RACGAP1: variants seen among roughly 807,000 people sequenced by gnomAD.
The protein encoded by RACGAP1 is rac GTPase-activating protein 1.
A neutral mutation model predicts 78.1 loss-of-function variants in RACGAP1; 30 were observed. The observed-to-expected ratio is 0.38, with a 90% confidence interval of 0.29 to 0.52. The LOEUF (loss-of-function observed/expected upper bound fraction) is 0.52, where lower values mean the gene tolerates loss of function less well. RACGAP1 is among the 20% of genes least tolerant of loss of function. RACGAP1 has a pLI of 0.82. For synonymous variants in RACGAP1, 231 were observed against 264.8 expected, an observed-to-expected ratio of 0.87 and a Z score of 1.24; for missense variants, 587 against 777.1, an observed-to-expected ratio of 0.76 and a Z score of 2.91.
At chr12:50,015,278 A>G (rs531679851) in intron 2 of RACGAP1, among the ~76,000 whole-genome samples, 5 of 152,226 alleles carry the variant, frequency 3.3e-5, no homozygotes, top group Middle Eastern at 3.4e-3. Context: ...AGTAGCTGGG[A>G]ATACAGGTGC....
chr12:50,009,326 G>A (rs915036295), intron 2 of RACGAP1, among the ~76,000 whole-genome samples: 1 of 150,598 alleles, frequency 6.6e-6, no homozygotes, highest in Non-Finnish European at 1.5e-5. Context: ...AAACTATGAA[G>A]TGCCCCTATC....
At position 49,999,662 on chromosome 12, in the gene RACGAP1, G is replaced by A; in HGVS notation, c.702C>T (p.Ser234=). The stretch of plus-strand genomic sequence containing the variant: ...TCCAATATGGCACAGTCTCAATAGT[G>A]GACACAGCTTCGATGGGCCCGCCAT... The part of the protein sequence containing the change: ...PNDGGPIEAV[S]TIETVPYWTR... Residue 234 remains serine, a synonymous_variant, in exon 8 of 17, where the codon TCC becomes TCT. Coordinates refer to ENST00000312377, the MANE Select transcript of RACGAP1 (RefSeq NM_001319999.2). 1 of 1,614,150 alleles carries A rather than the reference G, an allele frequency of 6.2e-7. No individual in the cohort carries two copies. Among genetic ancestry groups the A allele is most frequent in the Non-Finnish European group, 8.5e-7 (1 of 1,180,014 alleles).
intron 2 of RACGAP1, among the ~76,000 whole-genome samples, chr12:50,015,699 G>T (rs1299977497): frequency 6.6e-6 from 1 of 151,908 alleles, no homozygotes; most frequent in Non-Finnish European, 1.5e-5. Flanking sequence ...CTACTCAGGA[G>T]GCTGAGGCAG....
intron 10 of RACGAP1, among the ~76,000 whole-genome samples, chr12:49,995,722 T>C (rs2137281994): frequency 6.6e-6 from 1 of 152,194 alleles, no homozygotes; most frequent in South Asian, 2.1e-4. Context: ...CTCAAACTCT[T>C]GGGCTCAAGT....
chr12:50,025,431 C>T lies in RACGAP1; in HGVS notation c.-38G>A. On this transcript the variant is annotated 5_prime_UTR_variant, in exon 1 of 17. Transcript: ENST00000312377. ...GCCTGGCCCCACCTGGGCCACCCTT[C>T]ACTTCGCTCCGCGCCTCACCCAACG... is the stretch of plus-strand genomic sequence containing the variant. 1.0e-6 allele frequency: 1 copy of T among 985,704 alleles called. No homozygotes were observed. Among genetic ancestry groups the T allele is most frequent in the Non-Finnish European group, 1.2e-6 (1 of 830,134 alleles). The allele number at this position is 985,704 out of a possible 1,614,324, so 61.1% of individuals were successfully genotyped here. A position where few individuals can be genotyped will look rare whatever the true frequency, so the allele number is the denominator to read the frequency against.
intron 12 of RACGAP1, among the ~76,000 whole-genome samples, chr12:49,993,618 TA>T (rs59258339): frequency 0.16 from 24,631 of 151,624 alleles, 3,396 homozygotes; most frequent in African/African-American, 0.38. Flanking sequence ...ATAACACCGT[TA>T]ACGCCTGTAA....
At position 50,004,263 on chromosome 12, in the gene RACGAP1, A is replaced by G. The variant is rs373124379; in HGVS notation, c.467T>C (p.Ile156Thr). The G allele has an allele frequency of 1.2e-5, 19 of 1,606,392 alleles. No individual in the cohort carries two copies. The highest frequency in any genetic ancestry group is 3.3e-5 in the South Asian group (3 of 90,744). ...IDESGSILSD[I>T]SFDKTDESLD... ...TGATTCATCAGTCTTGTCAAAGCTG[A>G]TATCTGATAAAATGGAACCAGATTC... is the stretch of plus-strand genomic sequence containing the variant. The change falls in exon 5 of 17, where the codon ATC (isoleucine) becomes ACC (threonine). Residue 156 changes from isoleucine to threonine, a missense_variant. By Grantham distance (89) the Ile-to-Thr change is moderately conservative. Coordinates refer to ENST00000312377, the MANE Select transcript of RACGAP1 (RefSeq NM_001319999.2).
At chr12:49,997,736 C>G (rs552874444) in intron 9 of RACGAP1, among the ~76,000 whole-genome samples, 1 of 151,992 alleles carries the variant, frequency 6.6e-6, no homozygotes, top group Non-Finnish European at 1.5e-5. Context: ...CGCCACCACG[C>G]CCGGCTAATT....
rs772728658 is a variant in RACGAP1 at position 49,990,773 on chromosome 12, C to T, written c.1734G>A (p.Val578=). 3 of 1,613,564 alleles carry T rather than the reference C, an allele frequency of 1.9e-6. No homozygotes were observed. In the South Asian group the frequency reaches 3.3e-5, roughly 18 times the overall value. ...TGAGAAGCTGATGTTCAGGAGTGGT[C>T]ACAGGTCCCAGTAAACTCACTTCAA... ...PDIKVSLLGP[V]TTPEHQLLKT... The change falls in exon 16 of 17, where the codon GTG becomes GTA. Residue 578 remains valine (V), a synonymous_variant. Coordinates refer to ENST00000312377, the MANE Select transcript of RACGAP1 (RefSeq NM_001319999.2).
intron 8 of RACGAP1, 125 bp from the exon 9 acceptor site, chr12:49,999,396 C>T (rs1243966286): frequency 3.3e-5 from 42 of 1,270,226 alleles, no homozygotes; most frequent in Non-Finnish European, 4.5e-5. Context: ...GAACTAATGG[C>T]TATGTAAAAA....
At chr12:50,021,295 C>T (rs1249896030) in intron 1 of RACGAP1, 1 of 183,464 alleles carries the variant, frequency 5.5e-6, no homozygotes, top group South Asian at 1.8e-4. Context: ...CTGAAACGAT[C>T]CCTGCGTGCA....
intron 2 of RACGAP1, among the ~76,000 whole-genome samples, chr12:50,007,935 T>C (rs1949067409): frequency 1.3e-5 from 2 of 150,218 alleles, no homozygotes; most frequent in South Asian, 4.2e-4. Flanking sequence ...GAAAAAAACA[T>C]ATATGTTTGC....
chr12:50,006,825 G>A (rs963789499), intron 2 of RACGAP1, among the ~76,000 whole-genome samples, 189 bp from the exon 3 acceptor site: 2 of 152,158 alleles, frequency 1.3e-5, no homozygotes, highest in African/African-American at 2.4e-5. Flanking sequence ...GAACTTTGTG[G>A]GTAGCAATTC....
intron 2 of RACGAP1, among the ~76,000 whole-genome samples, chr12:50,011,266 G>A (rs1003447125): frequency 1.3e-5 from 2 of 150,922 alleles, no homozygotes; most frequent in African/African-American, 2.4e-5. Context: ...CCCACGAGAC[G>A]GAGGGTGCAG....
intron 10 of RACGAP1, among the ~76,000 whole-genome samples, chr12:49,995,701 T>G (rs1948218672): frequency 6.6e-6 from 1 of 152,034 alleles, no homozygotes; most frequent in Non-Finnish European, 1.5e-5. Flanking sequence ...TGCTTTGTTG[T>G]CCAGGCTGGT....
intron 1 of RACGAP1, among the ~76,000 whole-genome samples, chr12:50,032,696 A>T (rs1482597742): frequency 1.3e-5 from 2 of 152,214 alleles, no homozygotes; most frequent in Non-Finnish European, 2.9e-5. Context: ...AGCTGGTGCC[A>T]GAAAGCTTGG....
chr12:50,008,202 CT>C lies in RACGAP1; in HGVS notation c.86-1567del, dbSNP rs554013271. On this transcript the variant is annotated intron_variant, in intron 2 of 16. Transcript: ENST00000312377. ...AAAAAAAAAAAAAAAAAAGATATTACTTTTTTTTTTTTTGAGACAGAGTTTC... is the reference window on the plus strand; with the variant it reads ...AAAAAAAAAAAAAAAAAAGATATTACTTTTTTTTTTTTGAGACAGAGTTTC... Among the ~76,000 whole-genome samples, 164 of 116,766 alleles carry C rather than the reference CT, an allele frequency of 1.4e-3. 1 individual carries two copies. Among genetic ancestry groups the C allele is most frequent in the African/African-American group, 2.6e-3 (81 of 31,760 alleles). 76.6% of individuals were successfully genotyped at this position (116,766 alleles called of 152,430 possible).
At chr12:50,005,457 T>C (rs1341176226) in intron 3 of RACGAP1, 65 bp from the exon 4 acceptor site, 7 of 1,587,172 alleles carry the variant, frequency 4.4e-6, no homozygotes, top group Non-Finnish European at 6.0e-6. Flanking sequence ...CTCAAGTTTA[T>C]GGGACAGGCA....
At chr12:50,026,565 G>A (rs977780107), upstream of RACGAP1, among the ~76,000 whole-genome samples, 11 of 152,008 alleles carry the variant, frequency 7.2e-5, no homozygotes, top group African/African-American at 2.7e-4. Context: ...TGAGGTAATG[G>A]ATATATTAAT....
Sources: allele counts gnomAD v4.1 joint callset (sites outside exome capture counted in the v4.1 genomes callset), GRCh38; gene constraint gnomAD v4.1.1; transcripts MANE v1.5; gene names NCBI Gene and HGNC (gene_info 2026-07-23, HGNC 2026-07-21).